The following TENM3 variants were observed in gnomAD, a reference collection of about 807,000 sequenced individuals.
TENM3 encodes teneurin-3.
TENM3 carries 63 observed loss-of-function variants against 255.1 expected under a neutral mutation model. That is an observed-to-expected ratio of 0.25 (90% CI 0.20 to 0.30). The LOEUF (loss-of-function observed/expected upper bound fraction) is 0.30, where lower values mean the gene tolerates loss of function less well. TENM3 is among the 10% of genes least tolerant of loss of function. TENM3 has a pLI of 1.00. For synonymous variants in TENM3, 1,306 were observed against 1,322.3 expected, an observed-to-expected ratio of 0.99 and a Z score of 0.27; for missense variants, 2,929 against 3,461.1, an observed-to-expected ratio of 0.85 and a Z score of 3.86.
chr4:181,843,754 C>T, the TENM3 span, among the ~76,000 whole-genome samples: 1 of 142,084 alleles, frequency 7.0e-6, no homozygotes, highest in African/African-American at 2.6e-5. Context: ...GAGTCTCTCC[C>T]TGTCGCCCAG....
chr4:181,767,266 A>G, the TENM3 span, among the ~76,000 whole-genome samples: 1 of 150,740 alleles, frequency 6.6e-6, no homozygotes, highest in African/African-American at 2.4e-5. Context: ...AAAAAAAAAA[A>G]AAAAAGAAAG....
At chr4:181,899,965 C>A in the TENM3 span, among the ~76,000 whole-genome samples, 1 of 152,038 alleles carries the variant, frequency 6.6e-6, no homozygotes, top group Non-Finnish European at 1.5e-5. Context: ...AATTTTAGGA[C>A]AAATTTTTTA....
At chr4:182,422,269 T>A (rs778523180) in intron 3 of TENM3, among the ~76,000 whole-genome samples, 12 of 152,118 alleles carry the variant, frequency 7.9e-5, no homozygotes, top group Non-Finnish European at 1.6e-4. Flanking sequence ...AAGCAAGCAG[T>A]GGGCTGTAGT....
the TENM3 span, among the ~76,000 whole-genome samples, chr4:181,799,278 T>A: frequency 3.3e-5 from 5 of 152,242 alleles, no homozygotes; most frequent in African/African-American, 1.2e-4. Flanking sequence ...AAATACATGT[T>A]GCCATTTTCA....
Position 182,475,483 on chromosome 4 carries a change from A to C in TENM3, c.512-125441A>C, listed in dbSNP as rs1254266308. On this transcript the variant is annotated intron_variant, in intron 3 of 27. Transcript: ENST00000511685. Reference sequence around the variant, plus strand: ...TGACTTGATGGAAGTTGTAGTGAACAAATCATATCATTGATGACGGGGGTG... The same window carrying C: ...TGACTTGATGGAAGTTGTAGTGAACCAATCATATCATTGATGACGGGGGTG... Among the ~76,000 whole-genome samples the C allele has an allele frequency of 3.3e-5, 5 of 152,166 alleles. No individual in the cohort carries two copies. The East Asian group carries it at 9.6e-4, about 29-fold the overall frequency.
chr4:182,124,750 G>GT, the TENM3 span, among the ~76,000 whole-genome samples: 5 of 152,190 alleles, frequency 3.3e-5, no homozygotes, highest in African/African-American at 1.2e-4. Context: ...CTTTTTTGCA[G>GT]TTTCACTTCC....
chr4:182,720,019 G>A (rs184201735), intron 13 of TENM3, among the ~76,000 whole-genome samples: 9 of 152,092 alleles, frequency 5.9e-5, no homozygotes, highest in Admixed American at 2.0e-4. Flanking sequence ...CCATGATCGC[G>A]CCACTGCACT....
intron 1 of TENM3, among the ~76,000 whole-genome samples, chr4:182,229,604 ATGTGTG>A (rs10556814): frequency 0.029 from 4,326 of 151,734 alleles, 194 homozygotes; most frequent in African/African-American, 0.097. Context: ...GTGCGTGTGT[ATGTGTG>A]TATATATATG....
the TENM3 span, among the ~76,000 whole-genome samples, chr4:181,937,425 G>C: frequency 6.6e-6 from 1 of 152,216 alleles, no homozygotes; most frequent in Non-Finnish European, 1.5e-5. Flanking sequence ...GGGAAGAAGA[G>C]GGGCAGGGCA....
chr4:181,869,551 C>T, the TENM3 span, among the ~76,000 whole-genome samples: 1 of 152,004 alleles, frequency 6.6e-6, no homozygotes, highest in Non-Finnish European at 1.5e-5. Context: ...ACACCCTTCT[C>T]CATGATATTT....
intron 1 of TENM3, among the ~76,000 whole-genome samples, chr4:182,286,407 C>G (rs1760730729): frequency 6.6e-6 from 1 of 152,228 alleles, no homozygotes; most frequent in African/African-American, 2.4e-5. Flanking sequence ...TACTTCTTGC[C>G]AGCATGCCTG....
At chr4:182,141,482 C>T (rs1749422061), upstream of TENM3, 1 of 144,046 alleles carries the variant, frequency 6.9e-6, no homozygotes, top group Non-Finnish European at 1.6e-5. Flanking sequence ...AATGATGGAA[C>T]TTCTTTGTGT....
the TENM3 span, among the ~76,000 whole-genome samples, chr4:181,783,792 G>T: frequency 6.6e-6 from 1 of 152,212 alleles, no homozygotes; most frequent in South Asian, 2.1e-4. Flanking sequence ...GACCTCCTGA[G>T]CTCAAGTGAT....
rs1432739092 is a variant in TENM3, at chr4:182,169,173, A to AAT, written c.-76+24420_-76+24421dup. The AAT allele has an allele frequency of 6.8e-6, 3 of 442,710 alleles. No individual in the cohort carries two copies. The Admixed American group carries it at 8.3e-5, about 12-fold the overall frequency. The allele number at this position is 442,710 out of a possible 1,614,324, so 27.4% of individuals were successfully genotyped here. ...CCACTATTAATCTGTGGTTCTTGAA[A>AAT]ATTAATGAGATTAATTCATAAACCA... On this transcript the variant is annotated intron_variant, in intron 1 of 2. Transcript: ENST00000512480.
chr4:181,564,810 C>G, the TENM3 span, among the ~76,000 whole-genome samples: 1 of 152,184 alleles, frequency 6.6e-6, no homozygotes, highest in Non-Finnish European at 1.5e-5. Context: ...GCCGCAGTAT[C>G]CTGCTGTGTG....
Position 182,160,675 on chromosome 4 carries a change from G to T in TENM3, c.-76+15921G>T, listed in dbSNP as rs560471708. Among the ~76,000 whole-genome samples the T allele has an allele frequency of 1.2e-4, 18 of 152,256 alleles. 1 individual carries two copies. In the South Asian group the frequency reaches 3.3e-3, roughly 28 times the overall value. On this transcript the variant is annotated intron_variant, in intron 1 of 2. Coordinates refer to the TENM3 transcript ENST00000512480. ...AAGAGTAGAATGGTGGTTACCAGAG[G>T]CTGGGATGGGACATGGGGAAGGGGA...
chr4:182,472,614 A>T (rs2151460968), intron 3 of TENM3, among the ~76,000 whole-genome samples: 1 of 152,324 alleles, frequency 6.6e-6, no homozygotes, highest in South Asian at 2.1e-4. Flanking sequence ...ATACCCTCCT[A>T]CACATTTTAA....
the TENM3 span, among the ~76,000 whole-genome samples, chr4:182,011,280 C>T: frequency 6.6e-6 from 1 of 152,224 alleles, no homozygotes; most frequent in Non-Finnish European, 1.5e-5. Flanking sequence ...CTGATGGACA[C>T]CATCATACTC....
the TENM3 span, among the ~76,000 whole-genome samples, chr4:182,049,343 C>T: frequency 3.3e-5 from 5 of 152,022 alleles, no homozygotes; most frequent in East Asian, 4.0e-4. Context: ...AGATTTTGAC[C>T]TTAAGACCTA....
Sources: gnomAD v4.1 joint callset for allele counts (sites outside exome capture counted in the v4.1 genomes callset) on GRCh38, gnomAD v4.1.1 for gene constraint, MANE v1.5 for transcripts, NCBI Gene and HGNC (gene_info 2026-07-23, HGNC 2026-07-21) for gene names.